The following CDH13 variants were observed in gnomAD, a reference collection of about 807,000 sequenced individuals.
CDH13 encodes cadherin-13.
A neutral mutation model predicts 63.8 loss-of-function variants in CDH13; 24 were observed. That is an observed-to-expected ratio of 0.38 (90% CI 0.27 to 0.53). The LOEUF (loss-of-function observed/expected upper bound fraction) is 0.53, where lower values mean the gene tolerates loss of function less well. CDH13 is among the 20% of genes least tolerant of loss of function. The pLI is 0.85. For synonymous variants in CDH13, 503 were observed against 355.3 expected, an observed-to-expected ratio of 1.42 and a Z score of -4.67; for missense variants, 1,049 against 903.1, an observed-to-expected ratio of 1.16 and a Z score of -2.07.
At chr16:82,834,733 A>G (rs1438325721) in intron 1 of CDH13, among the ~76,000 whole-genome samples, 1 of 152,158 alleles carries the variant, frequency 6.6e-6, no homozygotes, top group Non-Finnish European at 1.5e-5. Flanking sequence ...GTCCATGGGG[A>G]TATTCACTGG....
chr16:82,990,987 G>A (rs60463278), intron 2 of CDH13, among the ~76,000 whole-genome samples: 20,734 of 152,146 alleles, frequency 0.14, 1,689 homozygotes, highest in African/African-American at 0.23. Context: ...AACCATACTC[G>A]TCTCATTGGA....
intron 6 of CDH13, among the ~76,000 whole-genome samples, chr16:83,464,550 G>A (rs1305582207): frequency 6.6e-6 from 1 of 151,946 alleles, no homozygotes; most frequent in Non-Finnish European, 1.5e-5. Context: ...AGTAGAGATG[G>A]GATTTCACCA....
At chr16:83,779,405 TCAAAAAAAAAAAAAAAAAA>T (rs1479145032) in intron 11 of CDH13, among the ~76,000 whole-genome samples, 3 of 67,786 alleles carry the variant, frequency 4.4e-5, no homozygotes, top group Admixed American at 2.2e-4. Flanking sequence ...AGACTCCATC[TCAAAAAAAAAAAAAAAAAA>T]AAAAAAAAAA....
chr16:83,032,286 A>C, intron 3 of CDH13, 68 bp downstream of exon 3: 1 of 1,212,580 alleles, frequency 8.2e-7, no homozygotes. Context: ...TTATGTGGAA[A>C]ATGGGTCTTT....
intron 6 of CDH13, among the ~76,000 whole-genome samples, chr16:83,476,920 T>C (rs1479222864): frequency 6.6e-6 from 1 of 152,298 alleles, no homozygotes; most frequent in African/African-American, 2.4e-5. Flanking sequence ...CAAAAAGAAC[T>C]TCATGGGAAT....
At chr16:83,029,143 A>G (rs1003315479) in intron 2 of CDH13, among the ~76,000 whole-genome samples, 12 of 152,336 alleles carry the variant, frequency 7.9e-5, no homozygotes, top group Admixed American at 2.6e-4. Flanking sequence ...AAAGTGCTCA[A>G]TCTGCATTAT....
chr16:83,214,753 C>T (rs2039446728), intron 4 of CDH13, among the ~76,000 whole-genome samples: 1 of 151,986 alleles, frequency 6.6e-6, no homozygotes, highest in African/African-American at 2.4e-5. Flanking sequence ...TTTATAGATG[C>T]CATCTCATTA....
intron 3 of CDH13, among the ~76,000 whole-genome samples, chr16:83,068,744 A>G (rs989666887): frequency 6.6e-6 from 1 of 152,208 alleles, no homozygotes; most frequent in African/African-American, 2.4e-5. Flanking sequence ...AATGGTTTAC[A>G]TCTTTGAGCT....
At position 83,351,389 on chromosome 16, in the gene CDH13, A is replaced by G. The variant is rs569585559; in HGVS notation, c.781+6383A>G. ...CAGTCACTCTCCAGTGCCACCATCC[A>G]GAGATAACCACAGTTGACATTTTAG... is the stretch of plus-strand genomic sequence containing the variant. On this transcript the variant is annotated intron_variant, in intron 6 of 13. Coordinates refer to ENST00000567109, the MANE Select transcript of CDH13 (RefSeq NM_001257.5). Among the ~76,000 whole-genome samples the G allele has an allele frequency of 6.6e-5, 10 of 151,916 alleles. No homozygotes were observed. The East Asian group carries it at 1.6e-3, about 24-fold the overall frequency.
At chr16:82,971,339 C>T (rs1908711697) in intron 2 of CDH13, among the ~76,000 whole-genome samples, 1 of 152,216 alleles carries the variant, frequency 6.6e-6, no homozygotes. Flanking sequence ...CTCTTATTCT[C>T]ATGTAGTGCT....
chr16:83,322,024 A>C (rs1252773641), intron 5 of CDH13, among the ~76,000 whole-genome samples: 2 of 152,208 alleles, frequency 1.3e-5, no homozygotes, highest in African/African-American at 4.8e-5. Context: ...GCCACTGGAG[A>C]CAGCAGGGAC....
At chr16:83,432,660 C>T (rs2072156560) in intron 6 of CDH13, among the ~76,000 whole-genome samples, 1 of 152,116 alleles carries the variant, frequency 6.6e-6, no homozygotes, top group Non-Finnish European at 1.5e-5. Context: ...AAAGGTGTAG[C>T]CGGCTCTCAG....
At chr16:82,899,230 A>C (rs2041374574) in intron 2 of CDH13, among the ~76,000 whole-genome samples, 1 of 152,210 alleles carries the variant, frequency 6.6e-6, no homozygotes, top group African/African-American at 2.4e-5. Flanking sequence ...TTCGGAGTGT[A>C]TATAAATTAC....
intron 1 of CDH13, among the ~76,000 whole-genome samples, chr16:82,793,867 T>C (rs1267241242): frequency 6.6e-6 from 1 of 152,136 alleles, no homozygotes; most frequent in Non-Finnish European, 1.5e-5. Flanking sequence ...ATTTTCCCCT[T>C]GCAGTTAGAA....
chr16:83,023,986 G>A (rs1915578302), intron 2 of CDH13, among the ~76,000 whole-genome samples: 1 of 152,030 alleles, frequency 6.6e-6, no homozygotes, highest in South Asian at 2.1e-4. Context: ...TTTAGATTTT[G>A]CCCTTTCTAG....
intron 5 of CDH13, among the ~76,000 whole-genome samples, chr16:83,260,869 A>G (rs1310654549): frequency 2.6e-5 from 4 of 152,122 alleles, no homozygotes; most frequent in Non-Finnish European, 5.9e-5. Context: ...TTTGAAAAGC[A>G]TGCATAGCTC....
At chr16:83,155,922 T>C (rs567763043) in intron 4 of CDH13, among the ~76,000 whole-genome samples, 1 of 152,282 alleles carries the variant, frequency 6.6e-6, no homozygotes, top group Admixed American at 6.5e-5. Flanking sequence ...TGCACCCCAA[T>C]TGCCAGTGAC....
chr16:83,790,604 C>G (rs185770747), intron 13 of CDH13, among the ~76,000 whole-genome samples: 1 of 152,044 alleles, frequency 6.6e-6, no homozygotes, highest in Non-Finnish European at 1.5e-5. Context: ...GGGGTTTCAC[C>G]GTGTTAGCCT....
chr16:83,296,232 C>T (rs2089594021), intron 5 of CDH13, among the ~76,000 whole-genome samples: 1 of 152,162 alleles, frequency 6.6e-6, no homozygotes, highest in South Asian at 2.1e-4. Flanking sequence ...TTGCTTTTCT[C>T]ATTTAATCTT....
Sources: gnomAD v4.1 joint callset for allele counts (sites outside exome capture counted in the v4.1 genomes callset) on GRCh38, gnomAD v4.1.1 for gene constraint, MANE v1.5 for transcripts, NCBI Gene and HGNC (gene_info 2026-07-23, HGNC 2026-07-21) for gene names.